MAD1L1: variants seen among roughly 807,000 people sequenced by gnomAD.
The protein encoded by MAD1L1 is mitotic spindle assembly checkpoint protein MAD1.
MAD1L1 carries 95 observed loss-of-function variants against 96.9 expected under a neutral mutation model. That is an observed-to-expected ratio of 0.98 (90% confidence interval 0.83 to 1.16). MAD1L1 has a LOEUF of 1.16. MAD1L1 is among the 50% of genes most tolerant of loss of function. MAD1L1 has a pLI of 0.00. For synonymous variants in MAD1L1, 473 were observed against 396.6 expected (o/e 1.19, Z -2.29); for missense variants, 1,007 against 954.4 (o/e 1.06, Z -0.73).
intron 12 of MAD1L1, among the ~76,000 whole-genome samples, chr7:2,030,203 C>T (rs555438863): frequency 4.1e-4 from 63 of 152,312 alleles, no homozygotes; most frequent in African/African-American, 1.5e-3. Context: ...CGCCCCGCCC[C>T]GCGCTCCACG....
At chr7:1,889,999 A>T (rs1786436633) in intron 18 of MAD1L1, among the ~76,000 whole-genome samples, 1 of 152,150 alleles carries the variant, frequency 6.6e-6, no homozygotes, top group Non-Finnish European at 1.5e-5. Context: ...GGCAGCTGGG[A>T]GGTGGAGCTG....
chr7:2,105,708 C>A (rs1312076138), intron 11 of MAD1L1, among the ~76,000 whole-genome samples: 2 of 152,090 alleles, frequency 1.3e-5, no homozygotes, highest in Non-Finnish European at 2.9e-5. Context: ...GTCTCCTCAC[C>A]CCCGCACGGT....
At chr7:2,121,428 G>A (rs1172690925) in intron 11 of MAD1L1, among the ~76,000 whole-genome samples, 5 of 152,186 alleles carry the variant, frequency 3.3e-5, no homozygotes, top group African/African-American at 1.2e-4. Context: ...GCAGTGGCAG[G>A]CACGACCTCA....
chr7:1,839,112 C>T (rs1270243306), intron 18 of MAD1L1, among the ~76,000 whole-genome samples: 1 of 152,222 alleles, frequency 6.6e-6, no homozygotes, highest in Non-Finnish European at 1.5e-5. Context: ...CCTGTTCCTG[C>T]TCTTTAGAGC....
intron 18 of MAD1L1, among the ~76,000 whole-genome samples, chr7:1,864,793 C>T (rs1344874847): frequency 4.6e-5 from 7 of 152,140 alleles, no homozygotes; most frequent in Non-Finnish European, 7.4e-5. Flanking sequence ...TGGTGCCCCC[C>T]GCCCCCACTC....
intron 12 of MAD1L1, among the ~76,000 whole-genome samples, chr7:2,028,758 A>C (rs1783093740): frequency 6.6e-6 from 1 of 152,246 alleles, no homozygotes; most frequent in Admixed American, 6.5e-5. Context: ...AGAAACAGCC[A>C]ATACAGACAG....
chr7:2,062,545 A>C (rs540329404), intron 12 of MAD1L1, among the ~76,000 whole-genome samples: 2 of 152,254 alleles, frequency 1.3e-5, no homozygotes, highest in African/African-American at 4.8e-5. Context: ...ACTGCACTCC[A>C]GCCTGGGCAA....
chr7:1,984,242 T>C (rs373247535), intron 14 of MAD1L1, among the ~76,000 whole-genome samples: 24 of 152,344 alleles, frequency 1.6e-4, no homozygotes, highest in Non-Finnish European at 2.6e-4. Flanking sequence ...AGCTTTTTTT[T>C]CCCTGATTTT....
intron 10 of MAD1L1, among the ~76,000 whole-genome samples, chr7:2,186,471 G>A (rs1379654491): frequency 6.6e-6 from 1 of 152,224 alleles, no homozygotes; most frequent in Non-Finnish European, 1.5e-5. Flanking sequence ...AGACGTCCAT[G>A]CACATAAAAA....
intron 18 of MAD1L1, among the ~76,000 whole-genome samples, chr7:1,866,030 G>A (rs1341157630): frequency 1.3e-5 from 2 of 152,236 alleles, no homozygotes; most frequent in Non-Finnish European, 2.9e-5. Flanking sequence ...GAACCATGCT[G>A]GTTTTGAAGC....
At chr7:1,863,669 T>TGCCCC (rs1345796731) in intron 18 of MAD1L1, among the ~76,000 whole-genome samples, 2 of 152,194 alleles carry the variant, frequency 1.3e-5, no homozygotes, top group Non-Finnish European at 2.9e-5. Flanking sequence ...TGCCCTGCCC[T>TGCCCC]GCCCCATCTT....
intron 15 of MAD1L1, among the ~76,000 whole-genome samples, chr7:1,965,792 T>C (rs1665441128): frequency 6.6e-6 from 1 of 152,260 alleles, no homozygotes; most frequent in South Asian, 2.1e-4. Flanking sequence ...TCCTCCCTCC[T>C]GCAGGGCCGG....
intron 11 of MAD1L1, among the ~76,000 whole-genome samples, chr7:2,111,352 C>T (rs1312339424): frequency 1.3e-5 from 2 of 152,208 alleles, no homozygotes; most frequent in South Asian, 2.1e-4. Flanking sequence ...GCCTCCCAGG[C>T]GGCAAGGAGC....
chr7:2,131,444 G>A (rs564246592), intron 11 of MAD1L1, among the ~76,000 whole-genome samples: 2 of 152,324 alleles, frequency 1.3e-5, no homozygotes, highest in South Asian at 2.1e-4. Flanking sequence ...AAACTCCCTG[G>A]CTCTCTAAGG....
At chr7:2,149,649 C>T (rs749175413) in intron 10 of MAD1L1, among the ~76,000 whole-genome samples, 3 of 152,170 alleles carry the variant, frequency 2.0e-5, no homozygotes, top group African/African-American at 7.2e-5. Context: ...GTAAAATCAG[C>T]GATCTCCAGG....
chr7:2,149,474 T>C (rs1584431420), intron 10 of MAD1L1, among the ~76,000 whole-genome samples: 3 of 152,124 alleles, frequency 2.0e-5, no homozygotes, highest in Admixed American at 2.0e-4. Flanking sequence ...CCGATTTTAC[T>C]TCACCTGTAG....
rs1264196829 is a variant in MAD1L1, at chr7:1,816,036, A to G, written c.*34T>C. 1 of 1,575,910 alleles carries G rather than the reference A, an allele frequency of 6.3e-7. No homozygotes were observed. The highest frequency in any genetic ancestry group is 8.6e-7 in the Non-Finnish European group (1 of 1,160,058). ...AGGGGACCTGCAGGTCAGGCCAAGCAGAGTGGCTCCGGCTATGCCCCCGAG... is the reference window on the plus strand; with the variant it reads ...AGGGGACCTGCAGGTCAGGCCAAGCGGAGTGGCTCCGGCTATGCCCCCGAG... On this transcript the variant is annotated 3_prime_UTR_variant, in exon 19 of 19. Coordinates refer to ENST00000265854, the MANE Select transcript of MAD1L1 (RefSeq NM_001013836.2).
chr7:1,920,490 G>A (rs1788716200), intron 17 of MAD1L1, among the ~76,000 whole-genome samples: 1 of 152,210 alleles, frequency 6.6e-6, no homozygotes, highest in Non-Finnish European at 1.5e-5. Flanking sequence ...CCCGCTGCAC[G>A]CTCTCACCCA....
chr7:2,069,116 A>G, intron 12 of MAD1L1, 78 bp downstream of exon 12: 2 of 1,449,162 alleles, frequency 1.4e-6, no homozygotes, highest in Non-Finnish European at 9.1e-7. Context: ...CTGCCTCCAC[A>G]GTGAGATCCA....
Sources: gnomAD v4.1 joint callset for allele counts (sites outside exome capture counted in the v4.1 genomes callset) on GRCh38, gnomAD v4.1.1 for gene constraint, MANE v1.5 for transcripts, NCBI Gene and HGNC (gene_info 2026-07-23, HGNC 2026-07-21) for gene names.